THRB: variants seen among roughly 807,000 people sequenced by gnomAD.
THRB encodes the protein nuclear receptor subfamily 1 group A member 2.
In THRB, 12 loss-of-function variants were observed where a neutral mutation model predicts 47.8. The ratio of observed to expected loss-of-function variants is 0.25; its 90% CI spans 0.16 to 0.41. The LOEUF (loss-of-function observed/expected upper bound fraction) is 0.41, where lower values mean the gene tolerates loss of function less well. Among genes scored for constraint, THRB ranks in the 10% least tolerant of loss-of-function variants. The pLI is 1.00. For missense variants in THRB, 348 were observed against 589.2 expected, an observed-to-expected ratio of 0.59 and a Z score of 4.24; for synonymous variants, 218 against 212.2, an observed-to-expected ratio of 1.03 and a Z score of -0.24.
At chr3:24,467,633 G>A (rs1455421089) in intron 1 of THRB, among the ~76,000 whole-genome samples, 1 of 152,218 alleles carries the variant, frequency 6.6e-6, no homozygotes, top group Non-Finnish European at 1.5e-5. Flanking sequence ...TAGGTGACTA[G>A]ATGCATTGTC....
chr3:24,138,074 C>T (rs1307658174), intron 8 of THRB, among the ~76,000 whole-genome samples: 1 of 152,062 alleles, frequency 6.6e-6, no homozygotes, highest in Non-Finnish European at 1.5e-5. Context: ...TTATGCAAAT[C>T]GTGGCCAACT....
chr3:24,425,894 T>G (rs1021539976), intron 1 of THRB, among the ~76,000 whole-genome samples: 9 of 151,978 alleles, frequency 5.9e-5, no homozygotes, highest in African/African-American at 2.2e-4. Context: ...ATATGATGAC[T>G]ATGAGAAACG....
intron 1 of THRB, among the ~76,000 whole-genome samples, chr3:24,379,878 C>G (rs915749860): frequency 6.6e-6 from 1 of 151,842 alleles, no homozygotes; most frequent in African/African-American, 2.4e-5. Flanking sequence ...CTATTGCAAT[C>G]TATCTGGCAG....
chr3:24,155,066 C>T (rs1439249770), intron 5 of THRB, among the ~76,000 whole-genome samples: 1 of 152,188 alleles, frequency 6.6e-6, no homozygotes, highest in Non-Finnish European at 1.5e-5. Context: ...ATGAGACCTG[C>T]TGGCTTTATC....
chr3:24,483,758 T>C (rs1174368814), intron 1 of THRB, among the ~76,000 whole-genome samples: 1 of 152,154 alleles, frequency 6.6e-6, no homozygotes, highest in Non-Finnish European at 1.5e-5. Flanking sequence ...CTCATTGAAT[T>C]AAAAAATAGT....
At chr3:24,309,503 A>C (rs2057597895) in intron 2 of THRB, among the ~76,000 whole-genome samples, 1 of 152,180 alleles carries the variant, frequency 6.6e-6, no homozygotes, top group Non-Finnish European at 1.5e-5. Context: ...GAAAAAATGT[A>C]AGCTCCATGA....
At chr3:24,449,694 C>A (rs1357752083) in intron 1 of THRB, among the ~76,000 whole-genome samples, 3 of 152,090 alleles carry the variant, frequency 2.0e-5, no homozygotes, top group East Asian at 3.8e-4. Context: ...AGAATATTAG[C>A]CTTATCTTTT....
At chr3:24,296,365 C>T (rs930365648) in intron 3 of THRB, among the ~76,000 whole-genome samples, 15 of 152,290 alleles carry the variant, frequency 9.8e-5, no homozygotes, top group African/African-American at 3.4e-4. Flanking sequence ...ATGTCGGCTT[C>T]GGTTAGAAGC....
intron 2 of THRB, among the ~76,000 whole-genome samples, chr3:24,319,886 T>C (rs1244811089): frequency 2.6e-5 from 4 of 152,186 alleles, no homozygotes; most frequent in Non-Finnish European, 5.9e-5. Context: ...GGAACTGGCA[T>C]GGTTGCGGAA....
chr3:24,253,683 T>G (rs1409961059), intron 3 of THRB, among the ~76,000 whole-genome samples: 1 of 152,166 alleles, frequency 6.6e-6, no homozygotes, highest in African/African-American at 2.4e-5. Flanking sequence ...GATAAGAAAT[T>G]CAGATTTGTA....
chr3:24,337,310 A>G lies in THRB; in HGVS notation c.-199T>C, dbSNP rs1275902146. 6.6e-6 allele frequency: 1 copy of G among 152,214 alleles called. No homozygotes were observed. Among genetic ancestry groups the G allele is most frequent in the Non-Finnish European group, 1.5e-5 (1 of 68,036 alleles). 9.4% of individuals were successfully genotyped at this position (152,214 alleles called of 1,614,324 possible). ...AAGCTGACATCTGACCTTCTTATTC[A>G]TTAAATCATGTGTGGAACTTGGCAC... On this transcript the variant is annotated 5_prime_UTR_variant, in exon 2 of 11. The change abolishes an upstream ATG in the 5' untranslated region. Transcript: ENST00000646209.
At chr3:24,469,307 C>A (rs530642965) in intron 1 of THRB, among the ~76,000 whole-genome samples, 1 of 152,096 alleles carries the variant, frequency 6.6e-6, no homozygotes, top group African/African-American at 2.4e-5. Context: ...GAGCTCAATA[C>A]GTTCATGAGT....
At chr3:24,143,741 G>T in intron 7 of THRB, 35 bp from the exon 8 acceptor site, 1 of 1,607,456 alleles carries the variant, frequency 6.2e-7, no homozygotes, top group Non-Finnish European at 8.5e-7. Flanking sequence ...AAGGCACACA[G>T]ATGCTCCCAA....
intron 2 of THRB, chr3:24,318,232 A>G (rs1363553963): frequency 6.6e-6 from 1 of 152,184 alleles, no homozygotes; most frequent in African/African-American, 2.4e-5. Context: ...AATATATTTC[A>G]CTTAAGTACA....
At chr3:24,336,501 A>G (rs1165644114) in intron 2 of THRB, among the ~76,000 whole-genome samples, 1 of 152,196 alleles carries the variant, frequency 6.6e-6, no homozygotes, top group Admixed American at 6.5e-5. Flanking sequence ...TTCTGACACA[A>G]CCTTATATGC....
At chr3:24,217,599 T>C (rs757131776) in intron 4 of THRB, among the ~76,000 whole-genome samples, 1 of 152,064 alleles carries the variant, frequency 6.6e-6, no homozygotes, top group Non-Finnish European at 1.5e-5. Context: ...ACCAAGCAAG[T>C]AAAATGAAAT....
chr3:24,275,180 A>G (rs2053780355), intron 3 of THRB, among the ~76,000 whole-genome samples: 2 of 152,246 alleles, frequency 1.3e-5, no homozygotes, highest in African/African-American at 2.4e-5. Flanking sequence ...TTAAATTCAC[A>G]CAAGGATAAA....
chr3:24,292,204 G>GA (rs1483949950), intron 3 of THRB, among the ~76,000 whole-genome samples: 12 of 152,106 alleles, frequency 7.9e-5, no homozygotes, highest in Non-Finnish European at 2.9e-5. Context: ...ACAAGAAAAT[G>GA]AAAAAATGCA....
Position 24,206,093 on chromosome 3 carries a change from G to C in THRB, c.23-15759C>G, listed in dbSNP as rs573474394. On this transcript the variant is annotated intron_variant, in intron 4 of 10. Coordinates refer to ENST00000646209, the MANE Select transcript of THRB (RefSeq NM_001354712.2). ...CACCGTCAACATTAGACAGATCAAC[G>C]AGACAGAAAGTTAACAAGGATATCC... Among the ~76,000 whole-genome samples, 20 of 152,204 alleles carry C rather than the reference G, an allele frequency of 1.3e-4. No homozygotes were observed. In the East Asian group the frequency reaches 3.9e-3, roughly 29 times the overall value.
Sources: gnomAD v4.1 joint callset for allele counts (sites outside exome capture counted in the v4.1 genomes callset) on GRCh38, gnomAD v4.1.1 for gene constraint, MANE v1.5 for transcripts, NCBI Gene and HGNC (gene_info 2026-07-23, HGNC 2026-07-21) for gene names.